Variants in PALD1 observed in about 807,000 individuals in gnomAD.
PALD1 encodes the protein paladin.
In PALD1, 57 loss-of-function variants were observed where a neutral mutation model predicts 96.0. The observed-to-expected ratio is 0.59, with a 90% CI of 0.48 to 0.74. PALD1 has a LOEUF of 0.74. Ranked by LOEUF, PALD1 falls within the 30% of genes least tolerant of loss-of-function variation. The probability of loss-of-function intolerance (pLI) is 0.00; values close to 1 mark genes in which losing one functional copy is unlikely to be tolerated. For synonymous variants in PALD1, 464 were observed against 473.6 expected (o/e 0.98, Z 0.26); for missense variants, 1,063 against 1,143.7 (o/e 0.93, Z 1.02).
intron 18 of PALD1, among the ~76,000 whole-genome samples, chr10:70,553,557 A>G (rs778198127): frequency 6.6e-6 from 1 of 152,068 alleles, no homozygotes; most frequent in Non-Finnish European, 1.5e-5. Flanking sequence ...TGCTGGGCTG[A>G]TAGACATTTT....
At chr10:70,463,265 A>G in the PALD1 span, among the ~76,000 whole-genome samples, 74 of 152,272 alleles carry the variant, frequency 4.9e-4, no homozygotes, top group South Asian at 9.5e-3. Context: ...TTAGCCGGGC[A>G]TGGTGGCAGG....
chr10:70,494,401 A>G (rs1801109056), intron 1 of PALD1, among the ~76,000 whole-genome samples: 1 of 152,216 alleles, frequency 6.6e-6, no homozygotes, highest in African/African-American at 2.4e-5. Context: ...TAGGATAGCT[A>G]CAGGAAGAGA....
intron 1 of PALD1, among the ~76,000 whole-genome samples, chr10:70,501,778 A>T (rs1323378254): frequency 6.7e-6 from 1 of 149,628 alleles, no homozygotes; most frequent in Non-Finnish European, 1.5e-5. Context: ...TTCACCATTG[A>T]TGTTTTGAGA....
At chr10:70,460,292 G>T in the PALD1 span, among the ~76,000 whole-genome samples, 2 of 152,016 alleles carry the variant, frequency 1.3e-5, no homozygotes, top group Non-Finnish European at 2.9e-5. Flanking sequence ...CCATCCTGGG[G>T]CTTAAAAGCC....
chr10:70,538,097 G>A (rs967290344), intron 11 of PALD1, among the ~76,000 whole-genome samples, 183 bp from the exon 12 acceptor site: 8 of 152,296 alleles, frequency 5.3e-5, no homozygotes, highest in African/African-American at 1.2e-4. Context: ...TCTTTCCACC[G>A]GGCCCTTGTC....
At chr10:70,471,967 G>A in the PALD1 span, among the ~76,000 whole-genome samples, 1 of 152,152 alleles carries the variant, frequency 6.6e-6, no homozygotes, top group South Asian at 2.1e-4. Context: ...CTTCATGCCC[G>A]AAGCTTCACA....
At position 70,525,971 on chromosome 10, in the gene PALD1, C is replaced by T. The variant is rs780234199; in HGVS notation, c.20C>T (p.Thr7Ile). ...CAGACTATGGGTACAACGGCCAGCA[C>T]AGCCCAGCAGACGGTCTCGGCAGGC... is the stretch of plus-strand genomic sequence containing the variant. MGTTASTAQQTVSAGTP... is the reference protein window; with the variant it reads MGTTASIAQQTVSAGTP... Residue 7 changes from threonine to isoleucine, a missense_variant, in exon 2 of 20, where the codon ACA becomes ATA. Coordinates refer to ENST00000263563, the MANE Select transcript of PALD1 (RefSeq NM_014431.3). 1 of 1,614,182 alleles carries T rather than the reference C, an allele frequency of 6.2e-7. No homozygotes were observed. Among genetic ancestry groups the T allele is most frequent in the East Asian group, 2.2e-5 (1 of 44,880 alleles).
chr10:70,547,222 C>A (rs3824763), intron 17 of PALD1, 84 bp from the exon 18 acceptor site: 343,328 of 1,323,978 alleles, frequency 0.26, 46,392 homozygotes, highest in African/African-American at 0.36. Context: ...CTGGTGTGGC[C>A]TTTTGGTGAG....
the PALD1 span, among the ~76,000 whole-genome samples, chr10:70,464,335 C>T: frequency 1.3e-5 from 2 of 151,810 alleles, no homozygotes; most frequent in African/African-American, 4.8e-5. Context: ...CCTCAGCCTC[C>T]TGAGTAGCTG....
intron 18 of PALD1, among the ~76,000 whole-genome samples, chr10:70,552,533 T>C (rs1235350607): frequency 1.3e-5 from 2 of 152,230 alleles, no homozygotes; most frequent in Non-Finnish European, 2.9e-5. Context: ...TCAGCCCTCA[T>C]GTGCCCACCT....
At chr10:70,482,319 G>A (rs1316781568) in intron 1 of PALD1, among the ~76,000 whole-genome samples, 2 of 152,216 alleles carry the variant, frequency 1.3e-5, no homozygotes, top group African/African-American at 2.4e-5. Context: ...CTCTGGGAGG[G>A]GAGCCAGTGT....
At chr10:70,494,932 G>A (rs1188997635) in intron 1 of PALD1, among the ~76,000 whole-genome samples, 1 of 152,202 alleles carries the variant, frequency 6.6e-6, no homozygotes, top group African/African-American at 2.4e-5. Context: ...ACAACCTTTT[G>A]GAAAGGTAAT....
chr10:70,479,834 G>C (rs1428797541), intron 1 of PALD1, among the ~76,000 whole-genome samples: 1 of 152,232 alleles, frequency 6.6e-6, no homozygotes, highest in Non-Finnish European at 1.5e-5. Flanking sequence ...ATGCCAGGAA[G>C]GGCACTGGGC....
At chr10:70,560,491 G>T (rs575539577) in intron 18 of PALD1, among the ~76,000 whole-genome samples, 67 of 152,308 alleles carry the variant, frequency 4.4e-4, no homozygotes, top group Non-Finnish European at 8.8e-5. Flanking sequence ...AAATGGGACA[G>T]TCCCGCCTCC....
intron 1 of PALD1, among the ~76,000 whole-genome samples, chr10:70,514,122 G>A (rs1057511601): frequency 6.6e-6 from 1 of 152,218 alleles, no homozygotes; most frequent in Non-Finnish European, 1.5e-5. Flanking sequence ...GTGCCTCTGC[G>A]GGCCGTCCGG....
rs775136595 is a variant in PALD1, at chr10:70,534,438, C to G, written c.1036C>G (p.Gln346Glu). 3 of 1,610,386 alleles carry G rather than the reference C, an allele frequency of 1.9e-6. No individual in the cohort carries two copies. The highest frequency in any genetic ancestry group is 2.5e-6 in the Non-Finnish European group (3 of 1,178,212). Reference protein sequence around the residue: ...TTSQPEAAPTQAKPLPMEQFQ... With the variant: ...TTSQPEAAPTEAKPLPMEQFQ... ...CTGCCTCGACAGGGCTGCCCCCACGCAGGCCAAGCCCCTGCCTATGGAGCA... is the reference window on the plus strand; with the variant it reads ...CTGCCTCGACAGGGCTGCCCCCACGGAGGCCAAGCCCCTGCCTATGGAGCA... The change falls in exon 9 of 20, where the codon CAG (glutamine) becomes GAG (glutamate). Residue 346 changes from glutamine to glutamate, a missense_variant. Gln to Glu is a conservative substitution (Grantham distance 29). Coordinates refer to ENST00000263563, the MANE Select transcript of PALD1 (RefSeq NM_014431.3).
chr10:70,547,458 C>G lies in PALD1; in HGVS notation c.2262+12C>G. ...GCACCTACCGCCAGGTGAGCCCCCA[C>G]CCCACCCCACCCCACCCTGCCCCAG... On this transcript the variant is annotated intron_variant, in intron 18 of 19. Transcript: ENST00000263563. The G allele has an allele frequency of 1.3e-6, 2 of 1,507,182 alleles. No homozygotes were observed. The highest frequency in any genetic ancestry group is 1.8e-6 in the Non-Finnish European group (2 of 1,114,004). The allele number at this position is 1,507,182 out of a possible 1,614,324, so 93.4% of individuals were successfully genotyped here. A position where few individuals can be genotyped will look rare whatever the true frequency, so the allele number is the denominator to read the frequency against.
chr10:70,568,180 C>T lies in PALD1; in HGVS notation c.*1447C>T, dbSNP rs1847889001. 1 of 152,530 alleles carries T rather than the reference C, an allele frequency of 6.6e-6. No homozygotes were observed. Among genetic ancestry groups the T allele is most frequent in the Non-Finnish European group, 1.5e-5 (1 of 68,014 alleles). 9.4% of individuals were successfully genotyped at this position (152,530 alleles called of 1,614,324 possible). ...GTTTTTATTTTTGCATGAATTAAGA[C>T]GTTTTAATTTCTTTGCAGACAAGGT... On this transcript the variant is annotated 3_prime_UTR_variant, in exon 20 of 20. Coordinates refer to ENST00000263563, the MANE Select transcript of PALD1 (RefSeq NM_014431.3).
At chr10:70,473,627 C>T in the PALD1 span, among the ~76,000 whole-genome samples, 3 of 150,186 alleles carry the variant, frequency 2.0e-5, no homozygotes, top group South Asian at 6.4e-4. Flanking sequence ...AGAAGGGGCT[C>T]CATAAATGTT....
Sources: gnomAD v4.1 joint callset for allele counts (sites outside exome capture counted in the v4.1 genomes callset) on GRCh38, gnomAD v4.1.1 for gene constraint, MANE v1.5 for transcripts, NCBI Gene and HGNC (gene_info 2026-07-23, HGNC 2026-07-21) for gene names.